NOS3: variants seen among roughly 807,000 people sequenced by gnomAD.
NOS3 encodes nitric oxide synthase 3.
In NOS3, 98 loss-of-function variants were observed where a neutral mutation model predicts 144.9. The observed-to-expected ratio is 0.68, with a 90% CI of 0.57 to 0.80. NOS3 has a LOEUF of 0.80. NOS3 is among the 30% of genes least tolerant of loss of function. The pLI is 0.00. For synonymous variants in NOS3, 714 were observed against 702.4 expected (o/e 1.02, Z -0.26); for missense variants, 1,465 against 1,656.4 (o/e 0.88, Z 2.01).
Position 150,998,504 on chromosome 7 carries a change from G to A in NOS3, c.675-35G>A, listed in dbSNP as rs560622560. 869 of 1,611,050 alleles carry A rather than the reference G, an allele frequency of 5.4e-4. 10 individuals are homozygous for A. In the South Asian group the frequency reaches 8.2e-3, roughly 15 times the overall value. On this transcript the variant is annotated intron_variant, in intron 6 of 26. Transcript: ENST00000297494. The surrounding 1 kb of genome is among the most constrained non-coding windows in gnomAD (Gnocchi z 5.0). ...CCTTCTTCCCCAAGGCAGGGAAGGC[G>A]GGGCTCTGACCAGCTCTTTCCCCAT...
At chr7:150,996,671 C>T in intron 4 of NOS3, 92 bp from the exon 5 acceptor site, 1 of 1,495,020 alleles carries the variant, frequency 6.7e-7, no homozygotes, top group Non-Finnish European at 9.1e-7. Context: ...GCCCCTCCCG[C>T]CCTCCCCCAG....
rs1015207457 is a variant in NOS3, at chr7:150,993,794, G to A, written c.-10G>A. On this transcript the variant is annotated 5_prime_UTR_variant, in exon 2 of 27. Coordinates refer to ENST00000297494, the MANE Select transcript of NOS3 (RefSeq NM_000603.5). The surrounding 1 kb of genome is among the most constrained non-coding windows in gnomAD (Gnocchi z 4.0). ...TGCTGGAGCAGGCAGCAGAGTGGACGCACAGTAACATGGGCAACTTGAAGA... is the reference window on the plus strand; with the variant it reads ...TGCTGGAGCAGGCAGCAGAGTGGACACACAGTAACATGGGCAACTTGAAGA... The A allele has an allele frequency of 1.3e-5, 21 of 1,587,004 alleles. No homozygotes were observed. The highest frequency in any genetic ancestry group is 6.7e-5 in the East Asian group (3 of 44,688).
chr7:151,005,933 A>C (rs562721969), intron 14 of NOS3, among the ~76,000 whole-genome samples: 42 of 152,306 alleles, frequency 2.8e-4, no homozygotes, highest in African/African-American at 8.7e-4. Context: ...AAGGCAGAAA[A>C]ATCCCTTAAG....
At chr7:151,009,619 C>T in intron 20 of NOS3, 34 bp downstream of exon 20, 1 of 1,470,518 alleles carries the variant, frequency 6.8e-7, no homozygotes, top group Non-Finnish European at 9.0e-7. Context: ...CAGGGCACAC[C>T]AGCCCCATGC....
intron 25 of NOS3, 149 bp downstream of exon 25, chr7:151,013,528 C>T (rs1795356074): frequency 1.7e-6 from 2 of 1,184,418 alleles, no homozygotes; most frequent in African/African-American, 3.1e-5. Flanking sequence ...ACCCTTGTGC[C>T]CCGGCCCCTC....
Position 151,003,152 on chromosome 7 carries a change from G to T in NOS3, c.1752+848G>T, listed in dbSNP as rs540303944. 1.1e-5 allele frequency: 5 copies of T among 452,792 alleles called. No homozygotes were observed. The Admixed American group carries it at 1.2e-4, about 11-fold the overall frequency. 28.0% of individuals were successfully genotyped at this position (452,792 alleles called of 1,614,324 possible). A position where few individuals can be genotyped will look rare whatever the true frequency, so the allele number is the denominator to read the frequency against. On this transcript the variant is annotated intron_variant, in intron 14 of 26. Coordinates refer to ENST00000297494, the MANE Select transcript of NOS3 (RefSeq NM_000603.5). This position sits in a 1 kb window ranked among gnomAD's most constrained non-coding sequence, Gnocchi z 4.1. ...TTTTTCTTTTTTCCTTTGAGACAGG[G>T]TCTCACTTTGTGGCCCAGGCTGGAG...
At chr7:151,012,246 T>G (rs1795321096) in intron 23 of NOS3, 105 bp from the exon 24 acceptor site, 6 of 983,652 alleles carry the variant, frequency 6.1e-6, no homozygotes, top group Non-Finnish European at 8.5e-6. Flanking sequence ...AATTTTTTTT[T>G]GAGATGGGAA....
intron 2 of NOS3, 72 bp downstream of exon 2, chr7:150,994,033 G>A (rs1251953208): frequency 2.0e-6 from 3 of 1,486,838 alleles, no homozygotes; most frequent in African/African-American, 1.4e-5. Context: ...GGGCTGGGAA[G>A]GTCTGGAACT....
At chr7:151,005,780 T>C (rs1795196865) in intron 14 of NOS3, among the ~76,000 whole-genome samples, 1 of 152,194 alleles carries the variant, frequency 6.6e-6, no homozygotes, top group Admixed American at 6.5e-5. Flanking sequence ...ACTGAGGTCA[T>C]GTTTTGGAAA....
chr7:150,996,584 T>C (rs1224972759), intron 4 of NOS3, 32 bp downstream of exon 4: 12 of 1,570,466 alleles, frequency 7.6e-6, no homozygotes, highest in Middle Eastern at 1.7e-4. Flanking sequence ...CAGCCTCCCT[T>C]GTCCCACTGA....
intron 15 of NOS3, 104 bp downstream of exon 15, chr7:151,006,598 T>G (rs1474678569): frequency 3.8e-6 from 4 of 1,040,600 alleles, no homozygotes; most frequent in Non-Finnish European, 5.8e-6. Context: ...CAAGTCGTTT[T>G]CCCACCAAAA....
At position 150,996,807 on chromosome 7, in the gene NOS3, C is replaced by A. The variant is rs1052769197; in HGVS notation, c.464C>A (p.Ala155Asp). ...AHEQRLQEVE[A>D]EVAATGTYQL... The stretch of plus-strand genomic sequence containing the variant: ...GAACAGCGGCTTCAAGAGGTGGAAG[C>A]CGAGGTGGCAGCCACAGGCACCTAC... The change falls in exon 5 of 27, where the codon GCC (alanine) becomes GAC (aspartate). Residue 155 changes from alanine to aspartate, a missense_variant. Coordinates refer to ENST00000297494, the MANE Select transcript of NOS3 (RefSeq NM_000603.5). 1.1e-5 allele frequency: 17 copies of A among 1,610,724 alleles called. No individual in the cohort carries two copies. Among genetic ancestry groups the A allele is most frequent in the Non-Finnish European group, 1.4e-5 (16 of 1,179,512 alleles).
rs543098320 is a variant in NOS3, at chr7:151,010,155, C to A, written c.2553C>A (p.Pro851=). The change falls in exon 21 of 27, where the codon CCC becomes CCA. Residue 851 remains proline (P), a synonymous_variant. Coordinates refer to ENST00000297494, the MANE Select transcript of NOS3 (RefSeq NM_000603.5). ...PPGWVRDPRL[P]PCTLRQALTF... ...GCTGGGTGCGGGACCCCCGGCTGCC[C>A]CCGTGCACGCTGCGCCAGGCTCTCA... 1 of 1,610,344 alleles carries A rather than the reference C, an allele frequency of 6.2e-7. No homozygotes were observed. The highest frequency in any genetic ancestry group is 1.1e-5 in the South Asian group (1 of 90,898).
At position 151,014,299 on chromosome 7, in the gene NOS3, T is replaced by C. The variant is rs1420284359; in HGVS notation, c.*130T>C. On this transcript the variant is annotated 3_prime_UTR_variant, in exon 27 of 27. Coordinates refer to ENST00000297494, the MANE Select transcript of NOS3 (RefSeq NM_000603.5). ...CACATCTGTCCAGAGGCTGCAAGGATTCAGCATTATTCCTCCAGGAAGGAG... is the reference window on the plus strand; with the variant it reads ...CACATCTGTCCAGAGGCTGCAAGGACTCAGCATTATTCCTCCAGGAAGGAG... 8.3e-6 allele frequency: 8 copies of C among 958,750 alleles called. No individual in the cohort carries two copies. The East Asian group carries it at 1.9e-4, about 22-fold the overall frequency. 59.4% of individuals were successfully genotyped at this position (958,750 alleles called of 1,614,324 possible). A position where few individuals can be genotyped will look rare whatever the true frequency, so the allele number is the denominator to read the frequency against.
chr7:151,001,081 G>C (rs531409360), intron 10 of NOS3, 150 bp from the exon 11 acceptor site: 273 of 729,226 alleles, frequency 3.7e-4, no homozygotes, highest in Non-Finnish European at 5.4e-4. Context: ...TTTGGGGTGA[G>C]GGTGACATTG....
At position 150,998,369 on chromosome 7, in the gene NOS3, C is replaced by T. The variant is rs771875498; in HGVS notation, c.595C>T (p.Arg199Trp). 12 of 1,611,942 alleles carry T rather than the reference C, an allele frequency of 7.4e-6. No homozygotes were observed. The highest frequency in any genetic ancestry group is 2.2e-5 in the East Asian group (1 of 44,880). The change falls in exon 6 of 27, where the codon CGG (arginine) becomes TGG (tryptophan). Residue 199 changes from arginine (R) to tryptophan (W), a missense_variant. Transcript: ENST00000297494. This position sits in a 1 kb window ranked among gnomAD's most constrained non-coding sequence, Gnocchi z 5.0. Reference protein sequence around the residue: ...QWGKLQVFDARDCRSAQEMFT... With the variant: ...QWGKLQVFDAWDCRSAQEMFT... The stretch of plus-strand genomic sequence containing the variant: ...TCGGCTGGCTCAGGTGTTCGATGCC[C>T]GGGACTGCAGGTCTGCACAGGAAAT...
chr7:151,014,545 G>A lies in NOS3; in HGVS notation c.*376G>A, dbSNP rs1795401723. The stretch of plus-strand genomic sequence containing the variant: ...TATTGAAGATTTACCATAAGGGACT[G>A]TGCCAGATGTTAGGAGAACTACTAA... On this transcript the variant is annotated 3_prime_UTR_variant, in exon 27 of 27. Coordinates refer to ENST00000297494, the MANE Select transcript of NOS3 (RefSeq NM_000603.5). 4.8e-6 allele frequency: 1 copy of A among 207,756 alleles called. No individual in the cohort carries two copies. The highest frequency in any genetic ancestry group is 2.3e-5 in the African/African-American group (1 of 43,370). 12.9% of individuals were successfully genotyped at this position (207,756 alleles called of 1,614,324 possible).
intron 5 of NOS3, among the ~76,000 whole-genome samples, chr7:150,997,244 G>T (rs1802451907): frequency 6.6e-6 from 1 of 151,604 alleles, no homozygotes; most frequent in Non-Finnish European, 1.5e-5. Flanking sequence ...CCTGCTGCAG[G>T]GGTGAGGAAG....
At chr7:151,013,690 C>T (rs754048733) in intron 25 of NOS3, 34 bp from the exon 26 acceptor site, 5 of 1,515,630 alleles carry the variant, frequency 3.3e-6, no homozygotes, top group African/African-American at 1.4e-5. Flanking sequence ...CGCCCACCCC[C>T]ACCAGGGCCC....
Sources: allele counts gnomAD v4.1 joint callset (sites outside exome capture counted in the v4.1 genomes callset), GRCh38; gene constraint gnomAD v4.1.1; non-coding constraint Gnocchi (gnomAD v3.1); transcripts MANE v1.5; gene names NCBI Gene and HGNC (gene_info 2026-07-23, HGNC 2026-07-21).